ATP13A4: variants seen among roughly 807,000 people sequenced by gnomAD.
ATP13A4 encodes ATPase 13A4, also known as probable cation-transporting ATPase 13A4.
In ATP13A4, 114 loss-of-function variants were observed where a neutral mutation model predicts 142.5. The observed-to-expected ratio is 0.80, with a 90% CI of 0.69 to 0.93. The LOEUF is 0.93. Among genes scored for constraint, ATP13A4 ranks in the 40% least tolerant of loss-of-function variants. The pLI, the probability that ATP13A4 is intolerant of heterozygous loss-of-function variation, is 0.00. For synonymous variants in ATP13A4, 488 were observed against 514.8 expected, an observed-to-expected ratio of 0.95 and a Z score of 0.70; for missense variants, 1,392 against 1,454.0, an observed-to-expected ratio of 0.96 and a Z score of 0.69.
intron 25 of ATP13A4, among the ~76,000 whole-genome samples, chr3:193,433,568 C>G (rs971699300): frequency 5.9e-5 from 9 of 152,142 alleles, no homozygotes; most frequent in Non-Finnish European, 1.0e-4. Flanking sequence ...GATTTTCAAG[C>G]TGCTTTTTTC....
chr3:193,491,008 T>TA (rs543134675), intron 6 of ATP13A4, among the ~76,000 whole-genome samples: 2 of 151,864 alleles, frequency 1.3e-5, no homozygotes. Context: ...AGGATTAGCT[T>TA]AAAAAAAATT....
intron 28 of ATP13A4, among the ~76,000 whole-genome samples, chr3:193,407,716 T>C (rs1714574358): frequency 6.6e-6 from 1 of 152,202 alleles, no homozygotes; most frequent in African/African-American, 2.4e-5. Flanking sequence ...CACTTTGCAA[T>C]TAGAAAAGAA....
chr3:193,520,135 G>A (rs1353392516), intron 1 of ATP13A4, among the ~76,000 whole-genome samples: 5 of 152,200 alleles, frequency 3.3e-5, no homozygotes, highest in African/African-American at 9.6e-5. Flanking sequence ...ATATAAATGA[G>A]TGGCTATATT....
intron 6 of ATP13A4, among the ~76,000 whole-genome samples, chr3:193,490,758 A>C (rs2108664099): frequency 6.6e-6 from 1 of 152,230 alleles, no homozygotes; most frequent in Non-Finnish European, 1.5e-5. Flanking sequence ...GAAGTTTAGT[A>C]AGCTTGTTTT....
Position 193,545,554 on chromosome 3 carries a change from A to G in ATP13A4, c.60+9186T>C, listed in dbSNP as rs144337879. Among the ~76,000 whole-genome samples, 7 of 152,288 alleles carry G rather than the reference A, an allele frequency of 4.6e-5. No individual in the cohort carries two copies. In the East Asian group the frequency reaches 1.4e-3, roughly 29 times the overall value. On this transcript the variant is annotated intron_variant, in intron 1 of 29. Coordinates refer to ENST00000342695, the MANE Select transcript of ATP13A4 (RefSeq NM_032279.4). ...CAGGCAGCTTACCAAGGTTTATATG[A>G]AGGGCACTCAGAAGTAGCTATGAGC...
intron 2 of ATP13A4, among the ~76,000 whole-genome samples, chr3:193,570,458 T>A (rs1356523438): frequency 1.3e-5 from 2 of 152,234 alleles, no homozygotes; most frequent in Non-Finnish European, 2.9e-5. Context: ...GAACCATGTA[T>A]GACATGCTAA....
chr3:193,585,468 GGTTT>G (rs1189000426), intron 1 of ATP13A4, among the ~76,000 whole-genome samples: 4 of 141,248 alleles, frequency 2.8e-5, no homozygotes, highest in Non-Finnish European at 4.6e-5. Context: ...AAAAACATCA[GGTTT>G]GTTTGTGGGT....
chr3:193,443,703 C>T (rs984575193), intron 18 of ATP13A4, among the ~76,000 whole-genome samples: 4 of 152,152 alleles, frequency 2.6e-5, no homozygotes, highest in African/African-American at 9.7e-5. Flanking sequence ...GTTTTTAAAG[C>T]AGCTATTAAA....
chr3:193,404,021 G>C, intron 29 of ATP13A4: 1 of 985,386 alleles, frequency 1.0e-6, no homozygotes, highest in Non-Finnish European at 1.2e-6. Flanking sequence ...TGTGATAACT[G>C]ACCATCTGCT....
intron 1 of ATP13A4, among the ~76,000 whole-genome samples, chr3:193,524,994 T>G (rs551475276): frequency 6.6e-6 from 1 of 152,296 alleles, no homozygotes; most frequent in Non-Finnish European, 1.5e-5. Context: ...CTGGTTTGTT[T>G]ATGTTTTTGC....
At chr3:193,511,356 G>A (rs1026230222) in intron 2 of ATP13A4, among the ~76,000 whole-genome samples, 8 of 152,128 alleles carry the variant, frequency 5.3e-5, no homozygotes, top group African/African-American at 1.9e-4. Flanking sequence ...TTGCAAAGCT[G>A]GCTACACGCA....
chr3:193,448,088 A>G, intron 18 of ATP13A4, 118 bp downstream of exon 18: 3 of 1,398,828 alleles, frequency 2.1e-6, no homozygotes, highest in Non-Finnish European at 3.0e-6. Context: ...GCCCATCTCC[A>G]GCACCTGGAA....
At chr3:193,435,380 G>A (rs1716207336) in intron 24 of ATP13A4, among the ~76,000 whole-genome samples, 1 of 152,018 alleles carries the variant, frequency 6.6e-6, no homozygotes, top group South Asian at 2.1e-4. Flanking sequence ...TGTCCAATCA[G>A]GTAAAAGTAG....
intron 3 of ATP13A4, among the ~76,000 whole-genome samples, chr3:193,498,304 G>A (rs775835783): frequency 6.6e-6 from 1 of 151,894 alleles, no homozygotes; most frequent in Non-Finnish European, 1.5e-5. Flanking sequence ...AGATTAGGCT[G>A]GCAGCAAATA....
intron 18 of ATP13A4, among the ~76,000 whole-genome samples, chr3:193,445,557 G>A (rs1716898518): frequency 6.6e-6 from 1 of 152,054 alleles, no homozygotes; most frequent in South Asian, 2.1e-4. Flanking sequence ...AGAAGTTCAA[G>A]ACCATCCTGG....
chr3:193,449,621 C>T (rs940206134), intron 17 of ATP13A4, among the ~76,000 whole-genome samples: 3 of 152,206 alleles, frequency 2.0e-5, no homozygotes, highest in African/African-American at 7.2e-5. Flanking sequence ...AACTCCTCAC[C>T]CACCCTCATT....
Position 193,470,976 on chromosome 3 carries a change from C to A in ATP13A4, c.826G>T (p.Glu276Ter). 1 of 1,614,144 alleles carries A rather than the reference C, an allele frequency of 6.2e-7. No individual in the cohort carries two copies. Among genetic ancestry groups the A allele is most frequent in the Non-Finnish European group, 8.5e-7 (1 of 1,180,002 alleles). Residue 276 changes from glutamate to a stop codon, truncating the protein, a stop_gained, in exon 9 of 30, where the codon GAA becomes TAA. Coordinates refer to ENST00000342695, the MANE Select transcript of ATP13A4 (RefSeq NM_032279.4). LOFTEE classifies it high-confidence loss of function. ...CGRKAGVQEL[E>*]SRVLVPGDLL... Reference sequence around the variant, plus strand: ...TCTCCAGGCACCAGGACGCGTGATTCCAGCTCTTGAACTCCAGCTGAAAGT... The same window carrying A: ...TCTCCAGGCACCAGGACGCGTGATTACAGCTCTTGAACTCCAGCTGAAAGT...
chr3:193,496,061 GA>G (rs1321134602), intron 3 of ATP13A4, among the ~76,000 whole-genome samples: 1 of 152,144 alleles, frequency 6.6e-6, no homozygotes, highest in African/African-American at 2.4e-5. Flanking sequence ...ATTATTGCAA[GA>G]AATTGAAGAA....
At chr3:193,417,677 C>CA (rs879451050) in intron 25 of ATP13A4, among the ~76,000 whole-genome samples, 6,636 of 149,694 alleles carry the variant, frequency 0.044, 336 homozygotes, top group East Asian at 0.16. Flanking sequence ...GGAGTTCTAC[C>CA]CAGAGACATT....
Sources: gnomAD v4.1 joint callset for allele counts (sites outside exome capture counted in the v4.1 genomes callset) on GRCh38, gnomAD v4.1.1 for gene constraint, MANE v1.5 for transcripts, NCBI Gene and HGNC (gene_info 2026-07-23, HGNC 2026-07-21) for gene names.